The following PCDHA9 variants were observed in gnomAD, a reference collection of about 807,000 sequenced individuals.
PCDHA9 encodes protocadherin alpha-9.
In PCDHA9, 62 loss-of-function variants were observed where a neutral mutation model predicts 62.0. That is an observed-to-expected ratio of 1.00 (90% CI 0.81 to 1.23). PCDHA9 has a LOEUF of 1.23. PCDHA9 is among the 50% of genes most tolerant of loss of function. The probability of loss-of-function intolerance (pLI) is 0.00; values close to 1 mark genes in which losing one functional copy is unlikely to be tolerated. For synonymous variants in PCDHA9, 557 were observed against 567.6 expected (o/e 0.98, Z 0.27); for missense variants, 1,205 against 1,249.8 (o/e 0.96, Z 0.54).
chr5:140,956,137 A>C (rs374405911), intron 1 of PCDHA9, among the ~76,000 whole-genome samples: 1 of 152,114 alleles, frequency 6.6e-6, no homozygotes. Flanking sequence ...AATACCCTTT[A>C]TTTCTTTCTC....
At chr5:140,939,789 A>T (rs1259994967) in intron 1 of PCDHA9, among the ~76,000 whole-genome samples, 1 of 152,246 alleles carries the variant, frequency 6.6e-6, no homozygotes, top group African/African-American at 2.4e-5. Flanking sequence ...GTCAATTTCT[A>T]TAAATGTTCT....
chr5:140,876,062 G>C, intron 1 of PCDHA9: 1 of 1,613,842 alleles, frequency 6.2e-7, no homozygotes, highest in South Asian at 1.1e-5. Flanking sequence ...TTAGTTCTTC[G>C]GAAGTTATTG....
At chr5:140,915,694 G>A (rs2077262169) in intron 1 of PCDHA9, among the ~76,000 whole-genome samples, 1 of 151,538 alleles carries the variant, frequency 6.6e-6, no homozygotes, top group African/African-American at 2.4e-5. Flanking sequence ...GTATGGTGAT[G>A]CAAGCACTCC....
chr5:140,953,873 A>G (rs537538688), intron 1 of PCDHA9, among the ~76,000 whole-genome samples: 53 of 152,258 alleles, frequency 3.5e-4, no homozygotes, highest in African/African-American at 1.3e-3. Context: ...TGCTGCACAG[A>G]TCAACCCATC....
intron 1 of PCDHA9, among the ~76,000 whole-genome samples, chr5:140,895,833 C>G (rs1325973837): frequency 2.0e-5 from 3 of 152,038 alleles, no homozygotes; most frequent in Non-Finnish European, 2.9e-5. Context: ...TTTTTTCAGA[C>G]AAAGTCTCAC....
At chr5:140,877,205 G>A in intron 1 of PCDHA9, 1 of 1,613,824 alleles carries the variant, frequency 6.2e-7, no homozygotes, top group South Asian at 1.1e-5. Flanking sequence ...GGCGCAGTTA[G>A]CGAGTTGGTA....
At chr5:140,968,795 A>G in intron 1 of PCDHA9, 2 of 1,614,210 alleles carry the variant, frequency 1.2e-6, no homozygotes, top group Non-Finnish European at 1.7e-6. Context: ...TGTGGCCATT[A>G]CAGTAGCTGT....
intron 1 of PCDHA9, among the ~76,000 whole-genome samples, chr5:140,919,300 C>A (rs547709389): frequency 6.6e-6 from 1 of 152,248 alleles, no homozygotes; most frequent in African/African-American, 2.4e-5. Flanking sequence ...GCTGTTTGTA[C>A]AATATATGTT....
chr5:140,938,226 A>G lies in PCDHA9; in HGVS notation c.2395-40723A>G, dbSNP rs529190111. On this transcript the variant is annotated intron_variant, in intron 1 of 3. Transcript: ENST00000532602. ...CTCCCAAAGTGCTGGGATTACAGGC[A>G]TAGGCCACCATGCCTGGTCTTTTAA... Among the ~76,000 whole-genome samples the G allele has an allele frequency of 3.3e-5, 5 of 152,330 alleles. No individual in the cohort carries two copies. In the South Asian group the frequency reaches 1.0e-3, roughly 32 times the overall value.
rs370989006 is a variant in PCDHA9 at position 141,009,739 on chromosome 5, C to T, written c.2655C>T (p.Pro885=). The change falls in exon 4 of 4, where the codon CCC becomes CCT. Residue 885 remains proline (P), a synonymous_variant. Transcript: ENST00000532602. ...AACAATCCGGTCCCGGTGAGTTGCC[C>T]GACAAATTCATTATCCCAGGATCTC... ...NPKQSGPGEL[P]DKFIIPGSPA... is the part of the protein sequence containing the mutation. 55 of 1,614,008 alleles carry T rather than the reference C, an allele frequency of 3.4e-5. No homozygotes were observed. Among genetic ancestry groups the T allele is most frequent in the African/African-American group, 2.4e-4 (18 of 74,972 alleles).
rs2150425951 is a variant in PCDHA9 at position 140,848,946 on chromosome 5, C to A, written c.451C>A (p.Arg151=). The A allele has an allele frequency of 3.1e-6, 5 of 1,607,242 alleles. No individual in the cohort carries two copies. In the South Asian group the frequency reaches 5.5e-5, roughly 18 times the overall value. ...CGCGGAATCCAGGCCGCTTGACTCT[C>A]GGTTTCCACTAGAGGGCGCGTCCGA... ...FIAESRPLDS[R]FPLEGASDAD... The change falls in exon 1 of 4, where the codon CGG becomes AGG. Residue 151 remains arginine (R), a synonymous_variant. Transcript: ENST00000532602.
chr5:140,896,854 C>T (rs1211925701), intron 1 of PCDHA9, among the ~76,000 whole-genome samples: 4 of 152,004 alleles, frequency 2.6e-5, no homozygotes, highest in Non-Finnish European at 5.9e-5. Context: ...TTTATGGGTA[C>T]ATAATAAGTG....
chr5:140,865,125 A>T (rs1581734540), intron 1 of PCDHA9: 1 of 152,310 alleles, frequency 6.6e-6, no homozygotes, highest in East Asian at 1.9e-4. Flanking sequence ...GGTGTTAATT[A>T]TACCTTAGAA....
At chr5:140,992,643 A>C (rs1215653539) in intron 3 of PCDHA9, among the ~76,000 whole-genome samples, 1 of 152,148 alleles carries the variant, frequency 6.6e-6, no homozygotes. Context: ...CCTGGAAAAT[A>C]GAAGAAAGAG....
chr5:140,913,489 G>C (rs1428566821), intron 1 of PCDHA9, among the ~76,000 whole-genome samples: 1 of 151,754 alleles, frequency 6.6e-6, no homozygotes, highest in Non-Finnish European at 1.5e-5. Context: ...TTCTTCATTA[G>C]TCTGTTTAAA....
rs2042755048 is a variant in PCDHA9 at position 140,853,453 on chromosome 5, C to A, written c.2394+2564C>A. ...CTTTCCTATTTTGCCTAATAGGTCTCCTTATATGCATCTGTAGTTAACATT... is the reference window on the plus strand; with the variant it reads ...CTTTCCTATTTTGCCTAATAGGTCTACTTATATGCATCTGTAGTTAACATT... On this transcript the variant is annotated intron_variant, in intron 1 of 3. Coordinates refer to ENST00000532602, the MANE Select transcript of PCDHA9 (RefSeq NM_031857.2). 4 of 976,644 alleles carry A rather than the reference C, an allele frequency of 4.1e-6. 1 individual carries two copies. The Admixed American group carries it at 2.5e-4, about 62-fold the overall frequency. 60.5% of individuals were successfully genotyped at this position (976,644 alleles called of 1,614,324 possible). A position where few individuals can be genotyped will look rare whatever the true frequency, so the allele number is the denominator to read the frequency against.
At chr5:140,898,323 G>A (rs2066657733) in intron 1 of PCDHA9, among the ~76,000 whole-genome samples, 1 of 152,132 alleles carries the variant, frequency 6.6e-6, no homozygotes, top group Admixed American at 6.5e-5. Context: ...ATGGTTTTGG[G>A]TCTAACGTTT....
intron 3 of PCDHA9, among the ~76,000 whole-genome samples, chr5:140,999,654 C>T (rs180994815): frequency 1.3e-3 from 194 of 152,238 alleles, no homozygotes; most frequent in African/African-American, 4.4e-3. Context: ...AGCCTGAGCC[C>T]TGCTGGGTTG....
At chr5:140,870,838 C>T (rs1554164743) in intron 1 of PCDHA9, 4 of 1,613,700 alleles carry the variant, frequency 2.5e-6, no homozygotes, top group Admixed American at 3.3e-5. Context: ...AGTTAACAAG[C>T]TAGTACCGCG....
Sources: gnomAD v4.1 joint callset for allele counts (sites outside exome capture counted in the v4.1 genomes callset) on GRCh38, gnomAD v4.1.1 for gene constraint, MANE v1.5 for transcripts, NCBI Gene and HGNC (gene_info 2026-07-23, HGNC 2026-07-21) for gene names.